NELL1: variants seen among roughly 807,000 people sequenced by gnomAD.
The protein encoded by NELL1 is neural EGFL like 1.
A neutral mutation model predicts 107.4 loss-of-function variants in NELL1; 76 were observed. The observed-to-expected ratio is 0.71, with a 90% confidence interval of 0.59 to 0.86. NELL1 has a LOEUF of 0.86. NELL1 is among the 40% of genes least tolerant of loss of function. The pLI is 0.00. For missense variants in NELL1, 1,024 were observed against 1,005.5 expected, an observed-to-expected ratio of 1.02 and a Z score of -0.25; for synonymous variants, 353 against 341.2, an observed-to-expected ratio of 1.03 and a Z score of -0.38.
At chr11:20,673,243 G>C (rs977946536) in intron 1 of NELL1, among the ~76,000 whole-genome samples, 6 of 152,070 alleles carry the variant, frequency 3.9e-5, no homozygotes, top group Non-Finnish European at 8.8e-5. Context: ...TGAGCCCCCA[G>C]CCTCCAAGGA....
intron 2 of NELL1, among the ~76,000 whole-genome samples, chr11:20,755,066 G>A (rs576216726): frequency 1.3e-5 from 2 of 152,250 alleles, no homozygotes; most frequent in East Asian, 3.9e-4. Context: ...TACATATCTG[G>A]CCTGACTCAT....
intron 15 of NELL1, among the ~76,000 whole-genome samples, chr11:21,381,127 G>A (rs559982385): frequency 6.6e-6 from 1 of 152,052 alleles, no homozygotes; most frequent in African/African-American, 2.4e-5. Context: ...GCTACCTCGT[G>A]ATCATTTTGT....
intron 14 of NELL1, among the ~76,000 whole-genome samples, chr11:21,273,404 GAAA>G (rs1166554917): frequency 6.6e-6 from 1 of 152,206 alleles, no homozygotes; most frequent in Non-Finnish European, 1.5e-5. Flanking sequence ...GGGACTATGT[GAAA>G]AGACCAAATC....
rs566835122 is a variant in NELL1, at chr11:20,781,531, C to T, written c.185-2149C>T. Among the ~76,000 whole-genome samples, 3 of 152,202 alleles carry T rather than the reference C, an allele frequency of 2.0e-5. No individual in the cohort carries two copies. The South Asian group carries it at 6.2e-4, about 32-fold the overall frequency. On this transcript the variant is annotated intron_variant, in intron 2 of 19. Transcript: ENST00000357134. Reference sequence around the variant, plus strand: ...GGATATTCATATCCATTTCCTCCAGCAGGCATTGCTGATCGCTTATGGCTG... The same window carrying T: ...GGATATTCATATCCATTTCCTCCAGTAGGCATTGCTGATCGCTTATGGCTG...
At chr11:21,015,026 T>G (rs1042969169) in intron 12 of NELL1, among the ~76,000 whole-genome samples, 10 of 152,128 alleles carry the variant, frequency 6.6e-5, no homozygotes, top group Non-Finnish European at 1.2e-4. Flanking sequence ...GACTTGAACT[T>G]TGTTCATTTT....
intron 2 of NELL1, among the ~76,000 whole-genome samples, chr11:20,733,381 T>A (rs1855691079): frequency 6.6e-6 from 1 of 152,162 alleles, no homozygotes; most frequent in African/African-American, 2.4e-5. Context: ...GCTTGGGAAG[T>A]TCTCCAGGAC....
chr11:21,546,345 GA>G (rs1193066615), intron 16 of NELL1, among the ~76,000 whole-genome samples: 1 of 151,930 alleles, frequency 6.6e-6, no homozygotes, highest in African/African-American at 2.4e-5. Context: ...TTTCATTACA[GA>G]AACTCCTGGC....
intron 3 of NELL1, among the ~76,000 whole-genome samples, chr11:20,839,945 G>A (rs562008968): frequency 1.3e-5 from 2 of 152,276 alleles, no homozygotes; most frequent in East Asian, 1.9e-4. Context: ...AACCACCAAC[G>A]GGGCCACTTC....
intron 12 of NELL1, among the ~76,000 whole-genome samples, chr11:20,964,710 G>A (rs1477892766): frequency 6.6e-6 from 1 of 152,122 alleles, no homozygotes; most frequent in Non-Finnish European, 1.5e-5. Context: ...TTGCCCTCCC[G>A]ATTTTGCCGA....
intron 16 of NELL1, among the ~76,000 whole-genome samples, chr11:21,546,369 G>A (rs1856442480): frequency 6.6e-6 from 1 of 151,932 alleles, no homozygotes; most frequent in Non-Finnish European, 1.5e-5. Context: ...GAATGTGTTA[G>A]AGCCAAAGAT....
intron 3 of NELL1, among the ~76,000 whole-genome samples, chr11:20,790,552 A>AGGG (rs1253406735): frequency 4.6e-5 from 7 of 152,236 alleles, no homozygotes; most frequent in Admixed American, 2.6e-4. Flanking sequence ...GCAGCTGTGA[A>AGGG]GGGAAGGGTT....
At chr11:20,988,089 G>A (rs1223281898) in intron 12 of NELL1, among the ~76,000 whole-genome samples, 1 of 152,094 alleles carries the variant, frequency 6.6e-6, no homozygotes, top group Non-Finnish European at 1.5e-5. Flanking sequence ...ATATGTTGTG[G>A]TATCTTCAAT....
At chr11:20,869,908 T>G (rs1429609506) in intron 4 of NELL1, among the ~76,000 whole-genome samples, 1 of 152,180 alleles carries the variant, frequency 6.6e-6, no homozygotes, top group Admixed American at 6.5e-5. Flanking sequence ...GAAATCAACT[T>G]GAATACCTTG....
intron 14 of NELL1, among the ~76,000 whole-genome samples, chr11:21,331,468 G>A (rs1467777216): frequency 6.6e-6 from 1 of 152,054 alleles, no homozygotes; most frequent in Admixed American, 6.6e-5. Context: ...GTTCCTCAGA[G>A]GATGCAGGCT....
intron 12 of NELL1, among the ~76,000 whole-genome samples, chr11:20,977,910 C>T (rs1851672518): frequency 6.6e-6 from 1 of 152,154 alleles, no homozygotes; most frequent in East Asian, 1.9e-4. Context: ...TATTGTTATT[C>T]TCATTCTACA....
At chr11:20,772,089 G>A (rs564429220) in intron 2 of NELL1, among the ~76,000 whole-genome samples, 8 of 152,230 alleles carry the variant, frequency 5.3e-5, no homozygotes, top group African/African-American at 1.9e-4. Context: ...GCAAGGTCAG[G>A]GCCAATACAG....
intron 3 of NELL1, among the ~76,000 whole-genome samples, chr11:20,788,942 A>G (rs1452884922): frequency 2.0e-5 from 3 of 152,082 alleles, no homozygotes; most frequent in Non-Finnish European, 2.9e-5. Context: ...GTCCAACTTT[A>G]TTCTTTTGCA....
At chr11:21,421,549 G>A (rs1027823964) in intron 15 of NELL1, among the ~76,000 whole-genome samples, 2 of 152,020 alleles carry the variant, frequency 1.3e-5, no homozygotes, top group Admixed American at 1.3e-4. Context: ...GAGATACAAA[G>A]GCAGGAAGCC....
chr11:21,336,241 G>T (rs1056912242), intron 14 of NELL1, among the ~76,000 whole-genome samples: 4 of 151,890 alleles, frequency 2.6e-5, no homozygotes, highest in Non-Finnish European at 5.9e-5. Flanking sequence ...AGAACTTACA[G>T]AAACACAAAT....
Sources: allele counts gnomAD v4.1 joint callset (sites outside exome capture counted in the v4.1 genomes callset), GRCh38; gene constraint gnomAD v4.1.1; transcripts MANE v1.5; gene names NCBI Gene and HGNC (gene_info 2026-07-23, HGNC 2026-07-21).